Variants in RNF20 observed in about 807,000 individuals in gnomAD.
RNF20 encodes the protein E3 ubiquitin-protein ligase BRE1A.
A neutral mutation model predicts 126.2 loss-of-function variants in RNF20; 84 were observed. The ratio of observed to expected loss-of-function variants is 0.67; its 90% CI spans 0.56 to 0.80. The LOEUF (loss-of-function observed/expected upper bound fraction) is 0.80. Among genes scored for constraint, RNF20 ranks in the 30% least tolerant of loss-of-function variants. The probability of loss-of-function intolerance (pLI) is 0.00; values close to 1 mark genes in which losing one functional copy is unlikely to be tolerated. For missense variants in RNF20, 869 were observed against 1,188.2 expected (o/e 0.73, Z 3.95); for synonymous variants, 400 against 414.3 (o/e 0.97, Z 0.42).
chr9:101,543,832 T>G (rs1827302512), intron 5 of RNF20, among the ~76,000 whole-genome samples: 1 of 152,238 alleles, frequency 6.6e-6, no homozygotes, highest in Non-Finnish European at 1.5e-5. Context: ...TCTGAGCATA[T>G]TCTTATTTTT....
intron 2 of RNF20, among the ~76,000 whole-genome samples, chr9:101,535,922 CTG>C (rs1422523768): frequency 6.6e-6 from 1 of 152,212 alleles, no homozygotes; most frequent in Non-Finnish European, 1.5e-5. Flanking sequence ...GAGTGAGAGT[CTG>C]AGACCAGATT....
chr9:101,544,008 G>A (rs995431325), intron 5 of RNF20, among the ~76,000 whole-genome samples: 8 of 152,086 alleles, frequency 5.3e-5, no homozygotes, highest in African/African-American at 1.9e-4. Flanking sequence ...GTAATGCCAA[G>A]AGGTGATATG....
Position 101,540,518 on chromosome 9 carries a change from A to G in RNF20, c.326A>G (p.Lys109Arg), listed in dbSNP as rs766363276. 1.2e-6 allele frequency: 2 copies of G among 1,613,980 alleles called. No individual in the cohort carries two copies. Among genetic ancestry groups the G allele is most frequent in the East Asian group, 2.2e-5 (1 of 44,874 alleles). The part of the protein sequence containing the change: ...QFDENIRIIL[K>R]RYDLEQGLGD... ...GATGAAAACATCCGTATCATCCTTA[A>G]ACGTTATGATCTGGAGCAGGGCTTG... Residue 109 changes from lysine to arginine, a missense_variant, in exon 4 of 20, where the codon AAA becomes AGA. Physicochemically the swap from Lys to Arg is conservative, Grantham distance 26. Coordinates refer to ENST00000389120, the MANE Select transcript of RNF20 (RefSeq NM_019592.7).
At chr9:101,547,024 G>GAC (rs1352890989) in intron 7 of RNF20, 58 bp downstream of exon 7, 9 of 1,602,640 alleles carry the variant, frequency 5.6e-6, no homozygotes, top group Non-Finnish European at 6.8e-6. Flanking sequence ...TTCTCAGGAA[G>GAC]ACTCACCTTG....
Position 101,540,655 on chromosome 9 carries a change from A to G in RNF20, c.445+18A>G. ...AGAGAGAGGCAAGTGTTCGTGATGG[A>G]TTCTATCACTGCATGCTATCTGGGT... On this transcript the variant is annotated intron_variant, in intron 4 of 19. Transcript: ENST00000389120. 3 of 1,613,600 alleles carry G rather than the reference A, an allele frequency of 1.9e-6. No individual in the cohort carries two copies. The highest frequency in any genetic ancestry group is 2.5e-6 in the Non-Finnish European group (3 of 1,179,684).
intron 9 of RNF20, among the ~76,000 whole-genome samples, chr9:101,548,890 A>AT (rs1255709005): frequency 6.6e-6 from 1 of 152,228 alleles, no homozygotes; most frequent in African/African-American, 2.4e-5. Context: ...AAGGGAGGCC[A>AT]TTCACATGTC....
At position 101,561,906 on chromosome 9, in the gene RNF20, A is replaced by G. The variant is rs1564113764; in HGVS notation, c.2650-4A>G. The G allele has an allele frequency of 2.5e-6, 4 of 1,603,162 alleles. No homozygotes were observed. The highest frequency in any genetic ancestry group is 2.7e-5 in the African/African-American group (2 of 74,676). Reference sequence around the variant, plus strand: ...TGTCTAATGGGTATGCTATCCTGCCACAGGAGGACATCTCTAGACTTCGCA... The same window carrying G: ...TGTCTAATGGGTATGCTATCCTGCCGCAGGAGGACATCTCTAGACTTCGCA... On this transcript the variant is annotated splice_polypyrimidine_tract_variant and splice_region_variant and intron_variant, in intron 18 of 19. Coordinates refer to ENST00000389120, the MANE Select transcript of RNF20 (RefSeq NM_019592.7).
chr9:101,541,027 T>C (rs1167532971), intron 5 of RNF20, 52 bp downstream of exon 5: 3 of 1,412,452 alleles, frequency 2.1e-6, no homozygotes, highest in Non-Finnish European at 2.9e-6. Context: ...TAAGAATTCA[T>C]TTTTGCATGC....
intron 9 of RNF20, 57 bp from the exon 10 acceptor site, chr9:101,550,549 C>T (rs576879048): frequency 3.4e-6 from 5 of 1,479,326 alleles, no homozygotes; most frequent in Admixed American, 2.0e-5. Context: ...TACTTCCTGT[C>T]TAGCGTCTGG....
chr9:101,541,886 A>T (rs1377609707), intron 5 of RNF20, among the ~76,000 whole-genome samples: 1 of 152,196 alleles, frequency 6.6e-6, no homozygotes, highest in Admixed American at 6.5e-5. Flanking sequence ...TAATGCAAAA[A>T]TTTAAATTTG....
rs751355654 is a variant in RNF20, at chr9:101,546,936, C to T, written c.864C>T (p.Leu288=). The T allele has an allele frequency of 1.3e-5, 21 of 1,614,108 alleles. No homozygotes were observed. The highest frequency in any genetic ancestry group is 1.7e-5 in the Non-Finnish European group (20 of 1,180,004). Residue 288 remains leucine (L), a synonymous_variant, in exon 7 of 20, where the codon CTC becomes CTT. Coordinates refer to ENST00000389120, the MANE Select transcript of RNF20 (RefSeq NM_019592.7). ...AAATTCGAAAGAGGGAACAGCGACT[C>T]AACCGACACTTAGCAGAAGTCCTAG... The part of the protein sequence containing the change: ...IDKIRKREQR[L]NRHLAEVLER...
chr9:101,554,883 A>G, intron 15 of RNF20, 40 bp downstream of exon 15: 1 of 1,364,772 alleles, frequency 7.3e-7, no homozygotes, highest in Non-Finnish European at 9.6e-7. Flanking sequence ...TTTTGAGTAA[A>G]TGTTACTTGA....
At chr9:101,548,790 A>G (rs1827394599) in intron 9 of RNF20, among the ~76,000 whole-genome samples, 1 of 152,210 alleles carries the variant, frequency 6.6e-6, no homozygotes, top group South Asian at 2.1e-4. Context: ...GAGAAAAATG[A>G]GAAGTAGGGT....
At position 101,561,947 on chromosome 9, in the gene RNF20, C is replaced by T; in HGVS notation, c.2687C>T (p.Thr896Ile). 6.2e-7 allele frequency: 1 copy of T among 1,613,696 alleles called. No homozygotes were observed. Residue 896 changes from threonine to isoleucine, a missense_variant, in exon 19 of 20, where the codon ACA becomes ATA. By Grantham distance (89) the Thr-to-Ile change is moderately conservative (BLOSUM62 -1). Coordinates refer to ENST00000389120, the MANE Select transcript of RNF20 (RefSeq NM_019592.7). Reference protein sequence around the residue: ...ISRLRRKLETTKKPDNVPKCD... With the variant: ...ISRLRRKLETIKKPDNVPKCD... ...AGACTTCGCAGGAAGCTGGAGACCACAAAGAAACCAGACAATGTACCCAAG... is the reference window on the plus strand; with the variant it reads ...AGACTTCGCAGGAAGCTGGAGACCATAAAGAAACCAGACAATGTACCCAAG...
In RNF20 at chr9:101,540,876, C is replaced by T. The variant is rs1827250267; in HGVS notation, c.529C>T (p.Arg177Cys). Residue 177 changes from arginine (R) to cysteine (C), a missense_variant, in exon 5 of 20, where the codon CGT (arginine) becomes TGT (cysteine). Around this residue, in one of 8 missense-constraint regions of RNF20, gnomAD observed 157 missense variants for 236.0 expected, o/e 0.67. Coordinates refer to ENST00000389120, the MANE Select transcript of RNF20 (RefSeq NM_019592.7). ...SEEMESQLQE[R>C]VESSRRAVSQ... Reference sequence around the variant, plus strand: ...AGAGATGGAGTCTCAGCTGCAGGAACGTGTGGAGTCTTCCCGCCGAGCCGT... The same window carrying T: ...AGAGATGGAGTCTCAGCTGCAGGAATGTGTGGAGTCTTCCCGCCGAGCCGT... 3 of 1,613,816 alleles carry T rather than the reference C, an allele frequency of 1.9e-6. No homozygotes were observed. The highest frequency in any genetic ancestry group is 1.7e-4 in the Middle Eastern group (1 of 6,048).
At chr9:101,549,636 C>G (rs113789277) in intron 9 of RNF20, among the ~76,000 whole-genome samples, 3 of 152,146 alleles carry the variant, frequency 2.0e-5, no homozygotes. Flanking sequence ...TTGACACTTA[C>G]GCTACCGCTA....
chr9:101,539,193 G>C (rs566995170), intron 2 of RNF20, among the ~76,000 whole-genome samples: 1 of 152,290 alleles, frequency 6.6e-6, no homozygotes, highest in South Asian at 2.1e-4. Flanking sequence ...TGGAGAATGG[G>C]AAATAGCTCA....
In RNF20 at chr9:101,554,111, C is replaced by G. The variant is rs1219160706; in HGVS notation, c.2019+6C>G. ...AGAAGAAGTCTAAGGCAGAGGTATTCTAGTCTGCTATTACCTGTCCTTCTG... is the reference window on the plus strand; with the variant it reads ...AGAAGAAGTCTAAGGCAGAGGTATTGTAGTCTGCTATTACCTGTCCTTCTG... On this transcript the variant is annotated splice_donor_region_variant and intron_variant, in intron 14 of 19. Coordinates refer to ENST00000389120, the MANE Select transcript of RNF20 (RefSeq NM_019592.7). The G allele has an allele frequency of 2.0e-6, 3 of 1,470,220 alleles. No individual in the cohort carries two copies. The highest frequency in any genetic ancestry group is 2.9e-6 in the Non-Finnish European group (3 of 1,049,830). 91.1% of individuals were successfully genotyped at this position (1,470,220 alleles called of 1,614,324 possible).
At chr9:101,546,081 A>T (rs557318254) in intron 6 of RNF20, among the ~76,000 whole-genome samples, 3 of 152,164 alleles carry the variant, frequency 2.0e-5, no homozygotes, top group Non-Finnish European at 4.4e-5. Flanking sequence ...TTGTGTAGTG[A>T]CATTTCCATT....
Sources: gnomAD v4.1 joint callset for allele counts (sites outside exome capture counted in the v4.1 genomes callset) on GRCh38, gnomAD v4.1.1 for gene constraint, gnomAD v4.1.1 regional missense constraint, MANE v1.5 for transcripts, NCBI Gene and HGNC (gene_info 2026-07-23, HGNC 2026-07-21) for gene names.